The following UNC5D variants were observed in gnomAD, a reference collection of about 807,000 sequenced individuals.
UNC5D encodes unc-5 netrin receptor D.
Under a neutral mutation model 105.4 loss-of-function variants are expected in UNC5D, and 39 were observed. The observed-to-expected ratio is 0.37, with a 90% CI of 0.29 to 0.48. The LOEUF is 0.48. Among genes scored for constraint, UNC5D ranks in the 20% least tolerant of loss-of-function variants. The pLI, the probability that UNC5D is intolerant of heterozygous loss-of-function variation, is 0.98. For missense variants in UNC5D, 991 were observed against 1,202.4 expected, an observed-to-expected ratio of 0.82 and a Z score of 2.60; for synonymous variants, 452 against 450.4, an observed-to-expected ratio of 1.00 and a Z score of -0.04.
chr8:35,684,482 A>G (rs1248801083), intron 5 of UNC5D, 100 bp from the exon 6 acceptor site: 1 of 1,426,918 alleles, frequency 7.0e-7, no homozygotes, highest in Non-Finnish European at 9.5e-7. Context: ...CGGTCCCTGG[A>G]TGCCTGACTC....
intron 1 of UNC5D, among the ~76,000 whole-genome samples, chr8:35,453,281 G>A (rs532315612): frequency 6.6e-6 from 1 of 152,196 alleles, no homozygotes; most frequent in South Asian, 2.1e-4. Context: ...TGACCAGTGA[G>A]ACCATCTGTG....
chr8:35,722,137 CT>C, intron 8 of UNC5D, 72 bp from the exon 9 acceptor site: 1 of 1,534,322 alleles, frequency 6.5e-7, no homozygotes, highest in Non-Finnish European at 8.8e-7. Context: ...ATAGCATTTC[CT>C]TTTGTATTCC....
At chr8:35,391,617 T>C (rs1803779305) in intron 1 of UNC5D, among the ~76,000 whole-genome samples, 1 of 152,104 alleles carries the variant, frequency 6.6e-6, no homozygotes, top group Non-Finnish European at 1.5e-5. Flanking sequence ...AAACTATTGG[T>C]CAAGCAAAGC....
chr8:35,285,531 G>A (rs1372892125), intron 1 of UNC5D, among the ~76,000 whole-genome samples: 1 of 152,180 alleles, frequency 6.6e-6, no homozygotes, highest in Non-Finnish European at 1.5e-5. Flanking sequence ...TTTCTGGGTA[G>A]CATTTAATTT....
At chr8:35,236,087 C>A (rs1403410547) in intron 1 of UNC5D, among the ~76,000 whole-genome samples, 200 bp downstream of exon 1, 2 of 152,206 alleles carry the variant, frequency 1.3e-5, no homozygotes, top group Non-Finnish European at 2.9e-5. Context: ...TGCCGCAATC[C>A]TACAGGTGGC....
intron 3 of UNC5D, among the ~76,000 whole-genome samples, chr8:35,583,144 G>A (rs527378154): frequency 1.3e-5 from 2 of 152,266 alleles, no homozygotes; most frequent in African/African-American, 4.8e-5. Flanking sequence ...TTGAGGTCAG[G>A]AGTTAGAGAC....
chr8:35,774,669 C>T (rs956622499), intron 16 of UNC5D, among the ~76,000 whole-genome samples, 192 bp downstream of exon 16: 3 of 152,106 alleles, frequency 2.0e-5, no homozygotes. Context: ...TGGTGGCTCA[C>T]GCCTGAAATC....
At chr8:35,658,554 G>A (rs191204620) in intron 4 of UNC5D, among the ~76,000 whole-genome samples, 47 of 151,580 alleles carry the variant, frequency 3.1e-4, no homozygotes, top group Admixed American at 2.4e-3. Flanking sequence ...AATGATAGAT[G>A]TTGCATGATG....
intron 1 of UNC5D, among the ~76,000 whole-genome samples, chr8:35,257,627 G>A (rs1804178319): frequency 6.6e-6 from 1 of 152,100 alleles, no homozygotes; most frequent in African/African-American, 2.4e-5. Context: ...AATAGTTGGT[G>A]GTATGAATTA....
chr8:35,286,519 G>A (rs569292723), intron 1 of UNC5D, among the ~76,000 whole-genome samples: 16 of 152,208 alleles, frequency 1.1e-4, no homozygotes, highest in Admixed American at 7.9e-4. Context: ...AAGTTCTGGC[G>A]CTCACATGAA....
At chr8:35,449,539 T>C (rs148153500) in intron 1 of UNC5D, among the ~76,000 whole-genome samples, 56 of 152,294 alleles carry the variant, frequency 3.7e-4, no homozygotes, top group Admixed American at 2.1e-3. Context: ...TGCTGTTCAA[T>C]ACAATAAGCC....
chr8:35,728,265 T>C (rs961150144), intron 10 of UNC5D, among the ~76,000 whole-genome samples: 7 of 151,990 alleles, frequency 4.6e-5, no homozygotes, highest in African/African-American at 1.4e-4. Context: ...CATCCTCCTT[T>C]CTTAGTGTAT....
chr8:35,786,620 C>T (rs1802755954), intron 16 of UNC5D, among the ~76,000 whole-genome samples: 1 of 152,078 alleles, frequency 6.6e-6, no homozygotes, highest in Non-Finnish European at 1.5e-5. Context: ...GTGTTCCTGT[C>T]ATGTCTTGAA....
At chr8:35,727,242 G>T (rs191382909) in intron 10 of UNC5D, 1 of 152,212 alleles carries the variant, frequency 6.6e-6, no homozygotes, top group Admixed American at 6.5e-5. Context: ...AGACCTAAGT[G>T]GATGGTAGAC....
At chr8:35,474,420 G>A (rs1809943721) in intron 1 of UNC5D, among the ~76,000 whole-genome samples, 1 of 152,170 alleles carries the variant, frequency 6.6e-6, no homozygotes, top group African/African-American at 2.4e-5. Flanking sequence ...AATAGAGATA[G>A]CGACTGTTGA....
At chr8:35,608,261 G>T (rs1683317244) in intron 4 of UNC5D, among the ~76,000 whole-genome samples, 1 of 152,170 alleles carries the variant, frequency 6.6e-6, no homozygotes, top group Admixed American at 6.5e-5. Flanking sequence ...TAATTCCAAG[G>T]AGCAGCTGGG....
In UNC5D at chr8:35,750,757, T is replaced by G. The variant is rs745509872; in HGVS notation, c.2111T>G (p.Leu704Arg). Reference protein sequence around the residue: ...AVFGCMSCNSLDYNLRVYCVD... With the variant: ...AVFGCMSCNSRDYNLRVYCVD... Reference sequence around the variant, plus strand: ...TTTGGCTGCATGTCCTGTAACTCCCTGGATTACAACTTGAGAGTTTACTGT... The same window carrying G: ...TTTGGCTGCATGTCCTGTAACTCCCGGGATTACAACTTGAGAGTTTACTGT... Residue 704 changes from leucine (L) to arginine (R), a missense_variant, in exon 13 of 17, where the codon CTG becomes CGG. Physicochemically the swap from Leu to Arg is moderately radical, Grantham distance 102 (BLOSUM62 -2). Transcript: ENST00000404895. The G allele has an allele frequency of 8.1e-6, 13 of 1,614,052 alleles. No homozygotes were observed. The highest frequency in any genetic ancestry group is 1.0e-5 in the Non-Finnish European group (12 of 1,180,016).
intron 3 of UNC5D, among the ~76,000 whole-genome samples, chr8:35,578,249 A>G (rs974209254): frequency 1.4e-5 from 2 of 141,238 alleles, no homozygotes. Context: ...AAAAAGAAAG[A>G]AAAAAGAAAA....
intron 1 of UNC5D, among the ~76,000 whole-genome samples, chr8:35,297,195 A>G (rs549072638): frequency 2.0e-5 from 3 of 152,264 alleles, no homozygotes; most frequent in Non-Finnish European, 4.4e-5. Flanking sequence ...TCCCTCAATC[A>G]TAAGTGTTTT....
Sources: allele counts gnomAD v4.1 joint callset (sites outside exome capture counted in the v4.1 genomes callset), GRCh38; gene constraint gnomAD v4.1.1; transcripts MANE v1.5; gene names NCBI Gene and HGNC (gene_info 2026-07-23, HGNC 2026-07-21).